Variants in PBRM1 observed in about 807,000 individuals in gnomAD.
The protein encoded by PBRM1 is polybromo 1.
A neutral mutation model predicts 194.5 loss-of-function variants in PBRM1; 27 were observed. That is an observed-to-expected ratio of 0.14 (90% CI 0.10 to 0.19). PBRM1 has a LOEUF of 0.19. Ranked by LOEUF, PBRM1 falls within the 10% of genes least tolerant of loss-of-function variation. The pLI, the probability that PBRM1 is intolerant of heterozygous loss-of-function variation, is 1.00. For synonymous variants in PBRM1, 655 were observed against 693.2 expected, an observed-to-expected ratio of 0.94 and a Z score of 0.87; for missense variants, 1,466 against 2,077.2, an observed-to-expected ratio of 0.71 and a Z score of 5.72.
chr3:52,634,347 GA>G (rs1330440993), intron 11 of PBRM1, among the ~76,000 whole-genome samples: 1 of 145,768 alleles, frequency 6.9e-6, no homozygotes, highest in African/African-American at 2.6e-5. Flanking sequence ...TGAGGCAAGA[GA>G]ATCACCTGAA....
chr3:52,593,612 G>T (rs1396957134), intron 17 of PBRM1, among the ~76,000 whole-genome samples: 1 of 152,154 alleles, frequency 6.6e-6, no homozygotes, highest in Non-Finnish European at 1.5e-5. Flanking sequence ...GTGTCCCAGA[G>T]ATTCTGGTAT....
intron 29 of PBRM1, among the ~76,000 whole-genome samples, chr3:52,548,934 A>G (rs1337337324): frequency 1.3e-5 from 2 of 152,240 alleles, no homozygotes; most frequent in East Asian, 1.9e-4. Flanking sequence ...ACTTTAGTAC[A>G]TACTGAAAAT....
At chr3:52,589,568 A>G (rs2092805536) in intron 17 of PBRM1, among the ~76,000 whole-genome samples, 1 of 152,236 alleles carries the variant, frequency 6.6e-6, no homozygotes, top group African/African-American at 2.4e-5. Flanking sequence ...AAAGGCACAA[A>G]GAAGTACGTA....
chr3:52,644,899 G>T, intron 7 of PBRM1, 110 bp from the exon 9 acceptor site: 1 of 515,766 alleles, frequency 1.9e-6, no homozygotes, highest in South Asian at 2.4e-5. Flanking sequence ...ACTTGGAGCA[G>T]ACTTCCATTC....
intron 1 of PBRM1, among the ~76,000 whole-genome samples, chr3:52,685,164 A>G (rs2097290538): frequency 6.6e-6 from 1 of 152,046 alleles, no homozygotes; most frequent in Non-Finnish European, 1.5e-5. Context: ...TATTTTTGCA[A>G]CTCTTTCTTC....
At chr3:52,582,241 C>CAAA (rs71084194) in intron 20 of PBRM1, among the ~76,000 whole-genome samples, 26 of 91,278 alleles carry the variant, frequency 2.8e-4, no homozygotes, top group African/African-American at 6.6e-4. Flanking sequence ...GACTCCGTTT[C>CAAA]AAAAAAAAAA....
At chr3:52,549,821 C>A (rs561239293) in intron 29 of PBRM1, among the ~76,000 whole-genome samples, 2 of 151,966 alleles carry the variant, frequency 1.3e-5, no homozygotes, top group East Asian at 3.9e-4. Flanking sequence ...ACAAGAATCG[C>A]TTGAACCTGG....
intron 13 of PBRM1, among the ~76,000 whole-genome samples, chr3:52,625,871 C>T (rs2095431326): frequency 6.6e-6 from 1 of 152,140 alleles, no homozygotes; most frequent in South Asian, 2.1e-4. Context: ...TGCCACTGTG[C>T]CTGGCCAAAA....
downstream of PBRM1, chr3:52,545,478 T>C: frequency 4.3e-6 from 1 of 232,822 alleles, no homozygotes; most frequent in Non-Finnish European, 8.5e-6. Flanking sequence ...GATGATATGA[T>C]ACAGAAATTA....
At chr3:52,636,531 G>A (rs1462502906) in intron 10 of PBRM1, among the ~76,000 whole-genome samples, 1 of 151,382 alleles carries the variant, frequency 6.6e-6, no homozygotes, top group Non-Finnish European at 1.5e-5. Context: ...GCCAAGGCGG[G>A]CAAATCATGA....
At chr3:52,674,224 G>GT (rs2097028324) in intron 2 of PBRM1, among the ~76,000 whole-genome samples, 1 of 151,898 alleles carries the variant, frequency 6.6e-6, no homozygotes, top group African/African-American at 2.4e-5. Flanking sequence ...GCTCACGCCT[G>GT]TAATGCCAGC....
intron 10 of PBRM1, among the ~76,000 whole-genome samples, chr3:52,636,943 G>T (rs899201585): frequency 6.6e-6 from 1 of 151,666 alleles, no homozygotes; most frequent in African/African-American, 2.4e-5. Context: ...ACACAAGATG[G>T]GTATTATTTC....
At chr3:52,616,521 A>G (rs758169822) in intron 14 of PBRM1, among the ~76,000 whole-genome samples, 15 of 152,124 alleles carry the variant, frequency 9.9e-5, no homozygotes, top group Non-Finnish European at 2.1e-4. Context: ...GTGAAACCCC[A>G]TCTCTACTAA....
At chr3:52,633,420 T>C (rs2095688443) in intron 11 of PBRM1, among the ~76,000 whole-genome samples, 1 of 152,140 alleles carries the variant, frequency 6.6e-6, no homozygotes, top group Admixed American at 6.5e-5. Flanking sequence ...CATCTCTTGA[T>C]GCATACTTGA....
chr3:52,598,584 G>A (rs374430666), intron 17 of PBRM1, among the ~76,000 whole-genome samples: 4 of 152,214 alleles, frequency 2.6e-5, no homozygotes, highest in African/African-American at 9.6e-5. Flanking sequence ...TTGGGCTTTT[G>A]TTATTTTTCA....
chr3:52,615,118 G>A (rs1343441652), intron 15 of PBRM1, among the ~76,000 whole-genome samples: 1 of 152,080 alleles, frequency 6.6e-6, no homozygotes, highest in Admixed American at 6.6e-5. Flanking sequence ...AAATGTCTAC[G>A]CATTTAAGAA....
chr3:52,590,204 C>T, intron 17 of PBRM1, among the ~76,000 whole-genome samples: 1 of 151,888 alleles, frequency 6.6e-6, no homozygotes, highest in African/African-American at 2.4e-5. Context: ...GTAATCCCAG[C>T]ACTTTGGGAG....
exon 5 of PBRM1, chr3:52,658,306 C>G: frequency 6.4e-7 from 1 of 1,563,190 alleles, no homozygotes; most frequent in Non-Finnish European, 8.8e-7. Context: ...TTCAAGTAAG[C>G]TGGAGAAGAC....
At chr3:52,568,428 T>A (rs1262376233) in intron 22 of PBRM1, among the ~76,000 whole-genome samples, 1 of 152,254 alleles carries the variant, frequency 6.6e-6, no homozygotes, top group Non-Finnish European at 1.5e-5. Context: ...TTCTCAAGAT[T>A]GTCATTTTTG....
Sources: allele counts gnomAD v4.1 joint callset (sites outside exome capture counted in the v4.1 genomes callset), GRCh38; gene constraint gnomAD v4.1.1; transcripts MANE v1.5; gene names NCBI Gene and HGNC (gene_info 2026-07-23, HGNC 2026-07-21).